TH: variants seen among roughly 807,000 people sequenced by gnomAD.
TH encodes tyrosine 3-monooxygenase.
In TH, 49 loss-of-function variants were observed where a neutral mutation model predicts 57.4. The ratio of observed to expected loss-of-function variants is 0.85; its 90% CI spans 0.68 to 1.08. The LOEUF (loss-of-function observed/expected upper bound fraction) is 1.08, where lower values mean the gene tolerates loss of function less well. Ranked by LOEUF, TH falls within the 50% of genes least tolerant of loss-of-function variation. The probability of loss-of-function intolerance (pLI) is 0.00; values close to 1 mark genes in which losing one functional copy is unlikely to be tolerated. For synonymous variants in TH, 330 were observed against 304.5 expected (o/e 1.08, Z -0.87); for missense variants, 720 against 696.7 (o/e 1.03, Z -0.38).
At chr11:2,167,228 G>T in intron 6 of TH, 196 bp from the exon 7 acceptor site, 1 of 981,002 alleles carries the variant, frequency 1.0e-6, no homozygotes, top group Non-Finnish European at 1.5e-6. Context: ...GCCATGAGGG[G>T]CGGTCCCTCA....
intron 3 of TH, 83 bp downstream of exon 3, chr11:2,168,408 C>A: frequency 6.4e-7 from 1 of 1,572,980 alleles, no homozygotes; most frequent in Non-Finnish European, 8.7e-7. Flanking sequence ...CACGTGGTCA[C>A]TGTAGGGTCC....
rs1180963569 is a variant in TH, at chr11:2,167,483, C to T, written c.647G>A (p.Gly216Asp). The T allele has an allele frequency of 2.6e-6, 4 of 1,559,504 alleles. No individual in the cohort carries two copies. In the South Asian group the frequency reaches 3.5e-5, roughly 14 times the overall value. ...GTACTCCACACGGGGAATCGGGTCGCCGCTGGGGAGGGGGCCAGTGGTCAG... is the reference window on the plus strand; with the variant it reads ...GTACTCCACACGGGGAATCGGGTCGTCGCTGGGGAGGGGGCCAGTGGTCAG... Reference protein sequence around the residue: ...IAEIAFQYRHGDPIPRVEYTA... With the variant: ...IAEIAFQYRHDDPIPRVEYTA... Residue 216 changes from glycine (G) to aspartate (D), a missense_variant and splice_region_variant, in exon 6 of 13, where the codon GGC (glycine) becomes GAC (aspartate). Transcript: ENST00000352909.
In TH at chr11:2,171,565, C is replaced by T. The variant is rs953559033; in HGVS notation, c.90+132G>A. 16 of 950,254 alleles carry T rather than the reference C, an allele frequency of 1.7e-5. No individual in the cohort carries two copies. Among genetic ancestry groups the T allele is most frequent in the African/African-American group, 6.5e-5 (4 of 61,806 alleles). The allele number at this position is 950,254 out of a possible 1,614,324, so 58.9% of individuals were successfully genotyped here. ...CGCTGTGCCCAGGCCTCCACATCCA[C>T]GCCGCGTCCCAGGGGTTTGCATGGA... On this transcript the variant is annotated intron_variant, in intron 1 of 12. Coordinates refer to ENST00000352909, the MANE Select transcript of TH (RefSeq NM_000360.4). The surrounding 1 kb of genome is among the most constrained non-coding windows in gnomAD (Gnocchi z 8.6).
intron 7 of TH, 41 bp downstream of exon 7, chr11:2,166,846 C>T (rs764939190): frequency 2.2e-5 from 35 of 1,584,570 alleles, no homozygotes; most frequent in Middle Eastern, 1.7e-4. Context: ...GGCTGACCAT[C>T]CCCGGCCCCC....
rs996113580 is a variant in TH at position 2,170,332 on chromosome 11, G to A, written c.91-461C>T. Among the ~76,000 whole-genome samples, 3 of 152,006 alleles carry A rather than the reference G, an allele frequency of 2.0e-5. No individual in the cohort carries two copies. The highest frequency in any genetic ancestry group is 1.9e-4 in the East Asian group (1 of 5,166). ...CAACCCCCCTACCCTCCTGGCTGCC[G>A]CACAGGGGACCCTTTCTCACACTCC... is the stretch of plus-strand genomic sequence containing the variant. On this transcript the variant is annotated intron_variant, in intron 1 of 12. Coordinates refer to ENST00000352909, the MANE Select transcript of TH (RefSeq NM_000360.4). The surrounding 1 kb of genome is among the most constrained non-coding windows in gnomAD (Gnocchi z 6.0).
chr11:2,169,876 G>A lies in TH; in HGVS notation c.91-5C>T. 6.2e-7 allele frequency: 1 copy of A among 1,607,478 alleles called. No homozygotes were observed. The highest frequency in any genetic ancestry group is 8.5e-7 in the Non-Finnish European group (1 of 1,178,566). On this transcript the variant is annotated splice_region_variant and splice_polypyrimidine_tract_variant and intron_variant, in intron 1 of 12. Transcript: ENST00000352909. ...GCGCCCAATGAACCGCGGGGACTGT[G>A]GGGACAAGGGGCACCCATGCCTCCT...
chr11:2,166,850 G>A lies in TH; in HGVS notation c.841+37C>T, dbSNP rs763511351. The stretch of plus-strand genomic sequence containing the variant: ...GTGGGGCGCTTGGCTGACCATCCCC[G>A]GCCCCCCGGCTCTGCGCCCCTCCCG... On this transcript the variant is annotated intron_variant, in intron 7 of 12. Coordinates refer to ENST00000352909, the MANE Select transcript of TH (RefSeq NM_000360.4). 7 of 1,588,444 alleles carry A rather than the reference G, an allele frequency of 4.4e-6. No homozygotes were observed. In the African/African-American group the frequency reaches 6.7e-5, roughly 15 times the overall value.
chr11:2,166,300 G>GC (rs1846088266), intron 9 of TH, 180 bp downstream of exon 9: 3 of 956,356 alleles, frequency 3.1e-6, no homozygotes, highest in South Asian at 1.7e-5. Flanking sequence ...GGCAGCACAG[G>GC]CCGTGGGAGG....
intron 9 of TH, 54 bp downstream of exon 9, chr11:2,166,426 C>G: frequency 6.6e-7 from 1 of 1,526,208 alleles, no homozygotes; most frequent in Non-Finnish European, 8.8e-7. Context: ...CGCCCGCCCC[C>G]GGCGCCAAGC....
chr11:2,164,418 C>A, intron 12 of TH, 26 bp from the exon 13 acceptor site: 1 of 1,539,512 alleles, frequency 6.5e-7, no homozygotes, highest in East Asian at 2.4e-5. Context: ...GCAGAGCCCT[C>A]GTCAACTGGC....
chr11:2,169,620 GC>G, intron 2 of TH, 29 bp downstream of exon 2: 2 of 1,608,774 alleles, frequency 1.2e-6, no homozygotes, highest in Non-Finnish European at 1.7e-6. Context: ...AGGTGAACTT[GC>G]CCCAGGGACA....
rs756236294 is a variant in TH, at chr11:2,165,316, G to T, written c.1250C>A (p.Ala417Glu). ...CTGGTCTTGGTAGGGCTGCACGGCC[G>T]CAGCCTCAGGGTCGAAGGCCCGAAT... is the stretch of plus-strand genomic sequence containing the variant. ...PEIRAFDPEA[A>E]AVQPYQDQTY... Residue 417 changes from alanine to glutamate, a missense_variant, in exon 12 of 13, where the codon GCG becomes GAG. By Grantham distance (107) the Ala-to-Glu change is moderately radical. Coordinates refer to ENST00000352909, the MANE Select transcript of TH (RefSeq NM_000360.4). 6 of 1,612,534 alleles carry T rather than the reference G, an allele frequency of 3.7e-6. No homozygotes were observed. The highest frequency in any genetic ancestry group is 5.1e-6 in the Non-Finnish European group (6 of 1,179,988).
At position 2,170,644 on chromosome 11, in the gene TH, T is replaced by C. The variant is rs1470150249; in HGVS notation, c.91-773A>G. On this transcript the variant is annotated intron_variant, in intron 1 of 12. Coordinates refer to ENST00000352909, the MANE Select transcript of TH (RefSeq NM_000360.4). This position sits in a 1 kb window ranked among gnomAD's most constrained non-coding sequence, Gnocchi z 6.0. ...CCTGAGCTTCCAGGGTTGTGGAACA[T>C]GAAGGGGAGCAGCAGAAGCCCCTCC... 1 of 1,466,492 alleles carries C rather than the reference T, an allele frequency of 6.8e-7. No homozygotes were observed. Among genetic ancestry groups the C allele is most frequent in the South Asian group, 1.2e-5 (1 of 83,728 alleles). The allele number at this position is 1,466,492 out of a possible 1,614,324, so 90.8% of individuals were successfully genotyped here. A position where few individuals can be genotyped will look rare whatever the true frequency, so the allele number is the denominator to read the frequency against.
In TH at chr11:2,164,397, G is replaced by A; in HGVS notation, c.1335-5C>T. The A allele has an allele frequency of 6.5e-7, 1 of 1,546,582 alleles. No homozygotes were observed. The highest frequency in any genetic ancestry group is 2.0e-5 in the Admixed American group (1 of 51,196). Reference sequence around the variant, plus strand: ...TGGATGCGTGAGGCATAGCTCCTGGGGAGGAGAGCGGCAGAGCCCTCGTCA... The same window carrying A: ...TGGATGCGTGAGGCATAGCTCCTGGAGAGGAGAGCGGCAGAGCCCTCGTCA... On this transcript the variant is annotated splice_polypyrimidine_tract_variant and splice_region_variant and intron_variant, in intron 12 of 12. Transcript: ENST00000352909.
rs749465768 is a variant in TH at position 2,169,580 on chromosome 11, C to A, written c.312+70G>T. 4.7e-4 allele frequency: 706 copies of A among 1,503,626 alleles called. 1 individual carries two copies. Among genetic ancestry groups the A allele is most frequent in the Non-Finnish European group, 6.1e-4 (661 of 1,080,842 alleles). The allele number at this position is 1,503,626 out of a possible 1,614,324, so 93.1% of individuals were successfully genotyped here. A position where few individuals can be genotyped will look rare whatever the true frequency, so the allele number is the denominator to read the frequency against. ...AGCTGCACCTCTGCTATAGAGGGGTCAGGAACTCAGCCCACACAGCCCCAC... is the reference window on the plus strand; with the variant it reads ...AGCTGCACCTCTGCTATAGAGGGGTAAGGAACTCAGCCCACACAGCCCCAC... On this transcript the variant is annotated intron_variant, in intron 2 of 12. Coordinates refer to ENST00000352909, the MANE Select transcript of TH (RefSeq NM_000360.4).
chr11:2,164,511 T>C, intron 12 of TH, 119 bp from the exon 13 acceptor site: 1 of 1,213,444 alleles, frequency 8.2e-7, no homozygotes. Flanking sequence ...CCCAGGGCTT[T>C]TCTGAGCCAA....
chr11:2,168,432 C>T (rs1406960553), intron 3 of TH, 59 bp downstream of exon 3: 13 of 1,603,964 alleles, frequency 8.1e-6, no homozygotes, highest in East Asian at 2.2e-5. Flanking sequence ...TGCAGGAGCC[C>T]CTGCACCCCA....
chr11:2,165,347 G>C lies in TH; in HGVS notation c.1219C>G (p.Pro407Ala), dbSNP rs564277874. The change falls in exon 12 of 13, where the codon CCT (proline) becomes GCT (alanine). Residue 407 changes from proline to alanine, a missense_variant. Pro to Ala is a conservative substitution (Grantham distance 27). Transcript: ENST00000352909. ...TCAGGGTCGAAGGCCCGAATCTCAG[G>C]CTCCTCAGACAGGCAGTGCTGGCAG... ...GELLHCLSEE[P>A]EIRAFDPEAA... is the part of the protein sequence containing the mutation. 1 of 1,611,474 alleles carries C rather than the reference G, an allele frequency of 6.2e-7. No homozygotes were observed. Among genetic ancestry groups the C allele is most frequent in the African/African-American group, 1.3e-5 (1 of 75,038 alleles).
intron 7 of TH, 23 bp from the exon 8 acceptor site, chr11:2,166,791 C>A: frequency 6.5e-7 from 1 of 1,547,850 alleles, no homozygotes; most frequent in Non-Finnish European, 8.7e-7. Flanking sequence ...ACGCGGGTCA[C>A]TGCCGAGCCG....
Sources: gnomAD v4.1 joint callset for allele counts (sites outside exome capture counted in the v4.1 genomes callset) on GRCh38, gnomAD v4.1.1 for gene constraint, Gnocchi (gnomAD v3.1) non-coding constraint, MANE v1.5 for transcripts, NCBI Gene and HGNC (gene_info 2026-07-23, HGNC 2026-07-21) for gene names.